Variants in DGLUCY observed in about 807,000 individuals in gnomAD.
DGLUCY encodes D-glutamate cyclase, also known as D-glutamate cyclase, mitochondrial.
Under a neutral mutation model 58.5 loss-of-function variants are expected in DGLUCY, and 58 were observed. The ratio of observed to expected loss-of-function variants is 0.99; its 90% CI spans 0.80 to 1.23. The LOEUF is 1.23. Ranked by LOEUF, DGLUCY falls within the 50% of genes most tolerant of loss-of-function variation. The pLI, the probability that DGLUCY is intolerant of heterozygous loss-of-function variation, is 0.00. For missense variants in DGLUCY, 779 were observed against 784.7 expected (o/e 0.99, Z 0.09); for synonymous variants, 325 against 314.1 (o/e 1.03, Z -0.37).
intron 1 of DGLUCY, among the ~76,000 whole-genome samples, chr14:91,066,566 AG>A (rs904721639): frequency 1.3e-5 from 2 of 152,054 alleles, no homozygotes; most frequent in African/African-American, 2.4e-5. Flanking sequence ...AGAAGCGGAG[AG>A]GATCACTTGA....
intron 7 of DGLUCY, 33 bp from the exon 8 acceptor site, chr14:91,181,153 G>T: frequency 6.2e-7 from 1 of 1,600,998 alleles, no homozygotes; most frequent in Non-Finnish European, 8.6e-7. Context: ...TGATGAAGTG[G>T]CTGGGCTCAG....
chr14:91,179,885 A>C (rs529659312), intron 7 of DGLUCY, among the ~76,000 whole-genome samples: 6 of 106,626 alleles, frequency 5.6e-5, no homozygotes, highest in South Asian at 3.1e-4. Flanking sequence ...TATGCTAAAC[A>C]CTTTTTTTTT....
In DGLUCY at chr14:91,160,104, G is replaced by C. The variant is rs144125381; in HGVS notation, c.-29-162G>C. 3.7e-3 allele frequency among the ~76,000 whole-genome samples: 568 copies of C among 152,274 alleles called. 6 individuals are homozygous for C. The highest frequency in any genetic ancestry group is 0.013 in the African/African-American group (534 of 41,552). On this transcript the variant is annotated intron_variant, in intron 2 of 13. Coordinates refer to ENST00000256324, the MANE Select transcript of DGLUCY (RefSeq NM_001102368.3). ...TTCTCATCAGAAAAGGAGATGTGAC[G>C]GGGGAGAATGGATTCCAAACAATGC... is the stretch of plus-strand genomic sequence containing the variant.
intron 12 of DGLUCY, among the ~76,000 whole-genome samples, chr14:91,208,568 G>A (rs543053211): frequency 3.4e-4 from 52 of 152,176 alleles, no homozygotes; most frequent in Non-Finnish European, 6.5e-4. Flanking sequence ...GGGCAACATG[G>A]GGAAACCCCA....
chr14:91,195,827 C>A (rs147492273), intron 9 of DGLUCY, among the ~76,000 whole-genome samples: 1 of 152,078 alleles, frequency 6.6e-6, no homozygotes, highest in South Asian at 2.1e-4. Flanking sequence ...CTTGCCATCA[C>A]GCCGGGCTAA....
chr14:91,087,086 G>A (rs1311411740), intron 1 of DGLUCY, among the ~76,000 whole-genome samples: 4 of 152,190 alleles, frequency 2.6e-5, no homozygotes, highest in African/African-American at 9.7e-5. Context: ...GAGGTGAACA[G>A]AGTCTAGAAG....
chr14:91,069,645 CT>C (rs564402187), intron 1 of DGLUCY, among the ~76,000 whole-genome samples: 5 of 150,942 alleles, frequency 3.3e-5, no homozygotes, highest in African/African-American at 4.9e-5. Context: ...ACTTTTCCTT[CT>C]TTTTTTTTAA....
chr14:91,135,029 A>G (rs920766246), intron 1 of DGLUCY, among the ~76,000 whole-genome samples: 4 of 151,456 alleles, frequency 2.6e-5, no homozygotes, highest in Admixed American at 6.6e-5. Flanking sequence ...GGCTCAAGCA[A>G]TCCTCCCACT....
chr14:91,207,294 C>T (rs867719783), intron 12 of DGLUCY, among the ~76,000 whole-genome samples: 7 of 148,622 alleles, frequency 4.7e-5, no homozygotes, highest in Admixed American at 2.0e-4. Flanking sequence ...GATATCTCAA[C>T]AAAAGCTGCC....
intron 5 of DGLUCY, among the ~76,000 whole-genome samples, chr14:91,171,986 A>AT (rs2048595309): frequency 6.6e-6 from 1 of 152,182 alleles, no homozygotes; most frequent in East Asian, 1.9e-4. Context: ...CCCTAGAGAA[A>AT]TTCAGAGGCT....
In DGLUCY at chr14:91,207,754, C is replaced by A. The variant is rs201701868; in HGVS notation, c.1564+2929C>A. Among the ~76,000 whole-genome samples the A allele has an allele frequency of 4.1e-5, 4 of 97,448 alleles. No homozygotes were observed. In the East Asian group the frequency reaches 1.2e-3, roughly 28 times the overall value. The allele number at this position is 97,448 out of a possible 152,430, so 63.9% of individuals were successfully genotyped here. A position where few individuals can be genotyped will look rare whatever the true frequency, so the allele number is the denominator to read the frequency against. On this transcript the variant is annotated intron_variant, in intron 12 of 13. Transcript: ENST00000256324. Reference sequence around the variant, plus strand: ...GACTATTTTTATTTTTTTCTTTTTTCTTTTTTTTTGAGATGGAGTTTCACT... The same window carrying A: ...GACTATTTTTATTTTTTTCTTTTTTATTTTTTTTTGAGATGGAGTTTCACT...
Position 91,170,158 on chromosome 14 carries a change from C to G in DGLUCY, c.413C>G (p.Pro138Arg), listed in dbSNP as rs1353074437. ...LEEALEKAGL[P>R]RRDPAGHSQA... ...GAGGCCTTGGAGAAAGCGGGGCTCC[C>G]CAGAAGAGACCCAGCAGGTCACAGC... The change falls in exon 5 of 14, where the codon CCC becomes CGC. Residue 138 changes from proline to arginine, a missense_variant. Pro to Arg is a moderately radical substitution (Grantham distance 103). Transcript: ENST00000256324. The G allele has an allele frequency of 1.9e-6, 3 of 1,613,554 alleles. No individual in the cohort carries two copies. Among genetic ancestry groups the G allele is most frequent in the Non-Finnish European group, 1.7e-6 (2 of 1,180,030 alleles).
chr14:91,150,056 T>C (rs2047230497), intron 1 of DGLUCY, among the ~76,000 whole-genome samples: 1 of 151,626 alleles, frequency 6.6e-6, no homozygotes, highest in African/African-American at 2.4e-5. Context: ...CTGCCTCTAC[T>C]AAAAATACAA....
rs780461786 is a variant in DGLUCY at position 91,223,632 on chromosome 14, G to C, written c.1717-1052G>C. 2.3e-5 allele frequency: 29 copies of C among 1,276,766 alleles called. No individual in the cohort carries two copies. The Middle Eastern group carries it at 6.5e-4, about 28-fold the overall frequency. The allele number at this position is 1,276,766 out of a possible 1,614,324, so 79.1% of individuals were successfully genotyped here. On this transcript the variant is annotated intron_variant, in intron 13 of 13. Coordinates refer to ENST00000256324, the MANE Select transcript of DGLUCY (RefSeq NM_001102368.3). ...TTTGGGATTTTATTTTTGGAAGGAG[G>C]GGGGATGGAGGAGGATCAAACCACT... is the stretch of plus-strand genomic sequence containing the variant.
At chr14:91,133,345 A>G (rs2046143009) in intron 1 of DGLUCY, among the ~76,000 whole-genome samples, 1 of 152,184 alleles carries the variant, frequency 6.6e-6, no homozygotes, top group Non-Finnish European at 1.5e-5. Context: ...TAAAGGCTGA[A>G]TAATATTCCA....
intron 9 of DGLUCY, among the ~76,000 whole-genome samples, chr14:91,190,267 G>T (rs866392620): frequency 6.6e-5 from 10 of 152,244 alleles, no homozygotes; most frequent in Middle Eastern, 3.4e-3. Flanking sequence ...GATTACAGGC[G>T]TGAGCCACCG....
chr14:91,200,259 T>A (rs2050470846), intron 11 of DGLUCY, among the ~76,000 whole-genome samples: 1 of 152,158 alleles, frequency 6.6e-6, no homozygotes, highest in East Asian at 1.9e-4. Flanking sequence ...TCAGCCTAAG[T>A]GTGTTTTTAT....
chr14:91,129,087 G>A lies in DGLUCY; in HGVS notation c.-82+14804G>A, dbSNP rs143611327. Among the ~76,000 whole-genome samples the A allele has an allele frequency of 4.0e-3, 607 of 152,240 alleles. 1 individual carries two copies. The highest frequency in any genetic ancestry group is 0.013 in the African/African-American group (551 of 41,526). On this transcript the variant is annotated intron_variant, in intron 1 of 13. Transcript: ENST00000256324. ...AATCCGCCTAGCCTCTGCTTTGAGC[G>A]TCAGGGGACCCAGTTCTATTCCTGC...
chr14:91,126,893 A>G (rs900141871), intron 1 of DGLUCY, among the ~76,000 whole-genome samples: 5 of 152,040 alleles, frequency 3.3e-5, no homozygotes, highest in Non-Finnish European at 7.4e-5. Context: ...GGCAGAAATA[A>G]ATAGCCACTG....
Sources: allele counts gnomAD v4.1 joint callset (sites outside exome capture counted in the v4.1 genomes callset), GRCh38; gene constraint gnomAD v4.1.1; transcripts MANE v1.5; gene names NCBI Gene and HGNC (gene_info 2026-07-23, HGNC 2026-07-21).